The following GFOD1 variants were observed in gnomAD, a reference collection of about 807,000 sequenced individuals.
The protein encoded by GFOD1 is glucose-fructose oxidoreductase domain-containing protein 1.
Under a neutral mutation model 25.4 loss-of-function variants are expected in GFOD1, and 9 were observed. The observed-to-expected ratio is 0.35, with a 90% CI of 0.21 to 0.62. The LOEUF (loss-of-function observed/expected upper bound fraction) is 0.62. Ranked by LOEUF, GFOD1 falls within the 20% of genes least tolerant of loss-of-function variation. GFOD1 has a pLI of 0.72. For synonymous variants in GFOD1, 253 were observed against 245.6 expected, an observed-to-expected ratio of 1.03 and a Z score of -0.28; for missense variants, 403 against 556.9, an observed-to-expected ratio of 0.72 and a Z score of 2.78.
intron 1 of GFOD1, among the ~76,000 whole-genome samples, chr6:13,463,757 A>G (rs1341720773): frequency 6.6e-6 from 1 of 152,232 alleles, no homozygotes; most frequent in Admixed American, 6.5e-5. Context: ...TACGTAGGTT[A>G]TCTGTAAATT....
At chr6:13,386,452 C>T (rs1450840478) in intron 1 of GFOD1, among the ~76,000 whole-genome samples, 3 of 152,190 alleles carry the variant, frequency 2.0e-5, no homozygotes, top group Non-Finnish European at 4.4e-5. Context: ...GCGGCTGTCC[C>T]TGCCAGCAGC....
intron 1 of GFOD1, among the ~76,000 whole-genome samples, chr6:13,425,136 A>G (rs1157101625): frequency 6.6e-6 from 1 of 150,954 alleles, no homozygotes; most frequent in Non-Finnish European, 1.5e-5. Context: ...TTTTTTGTTT[A>G]TTTTGTAGAG....
At chr6:13,385,397 C>G (rs1390161201) in intron 1 of GFOD1, among the ~76,000 whole-genome samples, 1 of 152,184 alleles carries the variant, frequency 6.6e-6, no homozygotes, top group Non-Finnish European at 1.5e-5. Flanking sequence ...TGTCATTCAA[C>G]ACTGGTAAAT....
At chr6:13,384,543 T>G (rs1254525919) in intron 1 of GFOD1, among the ~76,000 whole-genome samples, 1 of 152,206 alleles carries the variant, frequency 6.6e-6, no homozygotes, top group African/African-American at 2.4e-5. Context: ...GTCAATACTT[T>G]GGTGTCTCCT....
intron 1 of GFOD1, among the ~76,000 whole-genome samples, chr6:13,467,722 AG>A (rs774835907): frequency 2.0e-5 from 3 of 151,950 alleles, no homozygotes; most frequent in Non-Finnish European, 4.4e-5. Context: ...GGACTGTTCC[AG>A]CTGTTTCTGA....
rs150756939 is a variant in GFOD1 at position 13,433,586 on chromosome 6, G to C, written c.253+53052C>G. 9.2e-5 allele frequency among the ~76,000 whole-genome samples: 14 copies of C among 152,262 alleles called. No individual in the cohort carries two copies. The East Asian group carries it at 2.3e-3, about 25-fold the overall frequency. ...CTGGAGGGCAAAATATTCCCCAGTT[G>C]AACATCACTGGGTTAAGCTAAAGGA... On this transcript the variant is annotated intron_variant, in intron 1 of 1. Transcript: ENST00000379287.
At chr6:13,458,200 C>A (rs2841566) in intron 1 of GFOD1, among the ~76,000 whole-genome samples, 67,417 of 151,942 alleles carry the variant, frequency 0.44, 17,426 homozygotes, top group Middle Eastern at 0.63. Context: ...TAACTGCAAC[C>A]TCTGCCTCCT....
chr6:13,394,689 G>C (rs888039169), intron 1 of GFOD1, among the ~76,000 whole-genome samples: 1 of 151,694 alleles, frequency 6.6e-6, no homozygotes, highest in Admixed American at 6.6e-5. Flanking sequence ...GTGGAGTGCA[G>C]TGGCATGATC....
chr6:13,474,524 C>G (rs764357951), intron 1 of GFOD1, among the ~76,000 whole-genome samples: 1 of 152,220 alleles, frequency 6.6e-6, no homozygotes, highest in African/African-American at 2.4e-5. Context: ...TCAACTGCCT[C>G]AAGCAAGCTC....
chr6:13,371,216 C>T (rs1327828953), intron 1 of GFOD1, among the ~76,000 whole-genome samples: 1 of 152,210 alleles, frequency 6.6e-6, no homozygotes, highest in Admixed American at 6.5e-5. Flanking sequence ...AAGCCCTTTA[C>T]AGCCATGGCT....
chr6:13,479,261 T>G (rs995646860), intron 1 of GFOD1, among the ~76,000 whole-genome samples: 2 of 152,178 alleles, frequency 1.3e-5, no homozygotes, highest in African/African-American at 4.8e-5. Context: ...TTATTGAGCT[T>G]GATGCAGAGA....
intron 1 of GFOD1, among the ~76,000 whole-genome samples, chr6:13,429,298 G>A (rs917351993): frequency 3.3e-5 from 5 of 152,302 alleles, no homozygotes; most frequent in Admixed American, 2.0e-4. Flanking sequence ...CTGTCAAAGG[G>A]TTGTGTGGCC....
chr6:13,476,428 T>A (rs1758625555), intron 1 of GFOD1, among the ~76,000 whole-genome samples: 1 of 152,230 alleles, frequency 6.6e-6, no homozygotes, highest in African/African-American at 2.4e-5. Flanking sequence ...AGTAGTTACC[T>A]GGAGCCAGAA....
chr6:13,426,166 A>G (rs978398587), intron 1 of GFOD1, among the ~76,000 whole-genome samples: 4 of 152,224 alleles, frequency 2.6e-5, no homozygotes, highest in African/African-American at 9.6e-5. Context: ...CAGGTTAGTC[A>G]GGCTATGATT....
intron 1 of GFOD1, among the ~76,000 whole-genome samples, chr6:13,391,511 CAAAAAAA>C (rs57340590): frequency 5.5e-5 from 6 of 108,682 alleles, no homozygotes; most frequent in Non-Finnish European, 1.1e-4. Flanking sequence ...AACAAACAAA[CAAAAAAA>C]AAAAAAAAAA....
At chr6:13,399,106 G>A (rs898899354) in intron 1 of GFOD1, among the ~76,000 whole-genome samples, 9 of 152,020 alleles carry the variant, frequency 5.9e-5, no homozygotes, top group African/African-American at 2.2e-4. Context: ...CCTTAACCTC[G>A]CGGACTCAGG....
At chr6:13,457,276 T>TTTTAGGTGTCTA (rs1182554180) in intron 1 of GFOD1, among the ~76,000 whole-genome samples, 2 of 152,166 alleles carry the variant, frequency 1.3e-5, no homozygotes, top group African/African-American at 4.8e-5. Flanking sequence ...AATGGAGGGA[T>TTTTAGGTGTCTA]GGTGTCTAGA....
chr6:13,409,140 A>AGAAAGAAAGAAAGAAG (rs1222118098), intron 1 of GFOD1, among the ~76,000 whole-genome samples: 1,196 of 49,074 alleles, frequency 0.024, 185 homozygotes, highest in African/African-American at 0.049. Flanking sequence ...AAAGAAAGAA[A>AGAAAGAAAGAAAGAAG]GAAAGAAAGA....
chr6:13,403,369 G>A (rs1365264896), intron 1 of GFOD1, among the ~76,000 whole-genome samples: 13 of 152,048 alleles, frequency 8.5e-5, no homozygotes, highest in Admixed American at 2.0e-4. Context: ...CAGGTGATCC[G>A]CCTGCCTCGG....
Sources: gnomAD v4.1 joint callset for allele counts (sites outside exome capture counted in the v4.1 genomes callset) on GRCh38, gnomAD v4.1.1 for gene constraint, MANE v1.5 for transcripts, NCBI Gene and HGNC (gene_info 2026-07-23, HGNC 2026-07-21) for gene names.